The following MAS1 variants were observed in gnomAD, a reference collection of about 807,000 sequenced individuals.
MAS1 encodes the protein MAS1 proto-oncogene, G protein-coupled receptor, also known as proto-oncogene Mas.
For missense variants in MAS1, 387 were observed against 409.7 expected (o/e 0.94, Z 0.48); for synonymous variants, 163 against 164.2 (o/e 0.99, Z 0.05).
rs1782872645 is a variant in MAS1 at position 159,905,341 on chromosome 6, C to G, written c.-36-1579C>G. On this transcript the variant is annotated intron_variant, in intron 2 of 2. Coordinates refer to ENST00000674077, the MANE Select transcript of MAS1 (RefSeq NM_002377.4). Reference sequence around the variant, plus strand: ...CATGACAGGGCATGCGAGCTCTCATCCTGTGTGGGTTCTTTTCCGGGTCTC... The same window carrying G: ...CATGACAGGGCATGCGAGCTCTCATGCTGTGTGGGTTCTTTTCCGGGTCTC... Among the ~76,000 whole-genome samples the G allele has an allele frequency of 1.3e-5, 2 of 152,190 alleles. 1 individual carries two copies. Among genetic ancestry groups the G allele is most frequent in the South Asian group, 4.1e-4 (2 of 4,828 alleles).
upstream of MAS1, among the ~76,000 whole-genome samples, chr6:159,888,823 C>G (rs1782665349): frequency 6.6e-6 from 1 of 152,212 alleles, no homozygotes; most frequent in Non-Finnish European, 1.5e-5. Flanking sequence ...CTCTGCCCAC[C>G]TCTGAAGGGG....
At chr6:159,891,562 G>T (rs1467849472) in intron 1 of MAS1, among the ~76,000 whole-genome samples, 1 of 152,210 alleles carries the variant, frequency 6.6e-6, no homozygotes, top group African/African-American at 2.4e-5. Flanking sequence ...TTCCTCTGGA[G>T]AAATCACTTG....
intron 1 of MAS1, among the ~76,000 whole-genome samples, chr6:159,894,397 C>T (rs573101382): frequency 8.4e-4 from 106 of 126,910 alleles, no homozygotes; most frequent in African/African-American, 2.8e-3. Flanking sequence ...CCAGCCTGGG[C>T]GACAGAGTGA....
rs764896735 is a variant in MAS1 at position 159,907,155 on chromosome 6, C to G, written c.200C>G (p.Thr67Ser). ...TTCCGGATGAGAAGAAATCCCTTCA[C>G]TGTCTACATCACCCACCTGTCTATC... ...LCFRMRRNPFTVYITHLSIAD... is the reference protein window; with the variant it reads ...LCFRMRRNPFSVYITHLSIAD... The change falls in exon 3 of 3, where the codon ACT becomes AGT. Residue 67 changes from threonine (T) to serine (S), a missense_variant. Physicochemically the swap from Thr to Ser is moderately conservative, Grantham distance 58. Coordinates refer to ENST00000674077, the MANE Select transcript of MAS1 (RefSeq NM_002377.4). 5.0e-6 allele frequency: 8 copies of G among 1,614,130 alleles called. No homozygotes were observed. The African/African-American group carries it at 9.3e-5, about 19-fold the overall frequency.
At chr6:159,904,120 A>G (rs1782853938) in intron 2 of MAS1, among the ~76,000 whole-genome samples, 1 of 151,772 alleles carries the variant, frequency 6.6e-6, no homozygotes, top group Non-Finnish European at 1.5e-5. Flanking sequence ...CTGTCAGGTC[A>G]TCCTCAGTTT....
At chr6:159,889,415 A>G (rs1221916179), upstream of MAS1, among the ~76,000 whole-genome samples, 1 of 152,136 alleles carries the variant, frequency 6.6e-6, no homozygotes, top group Non-Finnish European at 1.5e-5. Flanking sequence ...AGAAGCAGCG[A>G]ATGTGGAGCA....
At chr6:159,889,397 CT>C (rs1327367960), upstream of MAS1, among the ~76,000 whole-genome samples, 1 of 152,188 alleles carries the variant, frequency 6.6e-6, no homozygotes, top group African/African-American at 2.4e-5. Flanking sequence ...TGGGCAGCCC[CT>C]GATCTGAGAA....
At position 159,908,719 on chromosome 6, in the gene MAS1, A is replaced by C. The variant is rs1257288910; in HGVS notation, c.*786A>C. 1 of 152,110 alleles carries C rather than the reference A, an allele frequency of 6.6e-6. No individual in the cohort carries two copies. The highest frequency in any genetic ancestry group is 1.5e-5 in the Non-Finnish European group (1 of 68,032). 9.4% of individuals were successfully genotyped at this position (152,110 alleles called of 1,614,324 possible). On this transcript the variant is annotated 3_prime_UTR_variant, in exon 3 of 3. Coordinates refer to ENST00000674077, the MANE Select transcript of MAS1 (RefSeq NM_002377.4). ...TGCTAGTGCATCATTTCAGGTTGTGAAGAAATACATTTGGCCACCAGTAGA... is the reference window on the plus strand; with the variant it reads ...TGCTAGTGCATCATTTCAGGTTGTGCAGAAATACATTTGGCCACCAGTAGA...
chr6:159,888,830 G>C (rs1282451733), upstream of MAS1, among the ~76,000 whole-genome samples: 3 of 152,192 alleles, frequency 2.0e-5, no homozygotes, highest in African/African-American at 7.2e-5. Context: ...CACCTCTGAA[G>C]GGGAGAATGA....
chr6:159,895,963 G>T (rs950979232), intron 1 of MAS1, among the ~76,000 whole-genome samples: 1 of 152,270 alleles, frequency 6.6e-6, no homozygotes, highest in East Asian at 1.9e-4. Flanking sequence ...TAAAAATAGC[G>T]GTGAAAAATC....
At chr6:159,905,620 C>G (rs1474900476) in intron 2 of MAS1, among the ~76,000 whole-genome samples, 10 of 152,210 alleles carry the variant, frequency 6.6e-5, no homozygotes, top group Non-Finnish European at 1.3e-4. Context: ...TGCTGGGGCT[C>G]TGCTGACTTG....
rs766046819 is a variant in MAS1 at position 159,916,238 on chromosome 6, G to T, written c.*8305G>T. ...ACGTTATGTAAAGTGATATAAGCCA[G>T]GCCCGGAAGGACAAAGACTGTATGA... is the stretch of plus-strand genomic sequence containing the variant. On this transcript the variant is annotated 3_prime_UTR_variant, in exon 3 of 3. Transcript: ENST00000674077. 22 of 152,222 alleles carry T rather than the reference G, an allele frequency of 1.4e-4. No homozygotes were observed. The highest frequency in any genetic ancestry group is 3.9e-4 in the Admixed American group (6 of 15,278). The allele number at this position is 152,222 out of a possible 1,614,324, so 9.4% of individuals were successfully genotyped here.
chr6:159,908,338 C>T lies in MAS1; in HGVS notation c.*405C>T, dbSNP rs150640435. 1,231 of 155,854 alleles carry T rather than the reference C, an allele frequency of 7.9e-3. 15 individuals carry two copies. The highest frequency in any genetic ancestry group is 0.028 in the African/African-American group (1,169 of 41,638). The allele number at this position is 155,854 out of a possible 1,614,324, so 9.7% of individuals were successfully genotyped here. On this transcript the variant is annotated 3_prime_UTR_variant, in exon 3 of 3. Transcript: ENST00000674077. ...GTTAAACCTCTCAGAGCCTCATTTT[C>T]TCACTCATAAAATGGTTGCGGCAAT...
At chr6:159,897,643 CA>C (rs1273287518) in intron 1 of MAS1, among the ~76,000 whole-genome samples, 1 of 152,140 alleles carries the variant, frequency 6.6e-6, no homozygotes, top group Non-Finnish European at 1.5e-5. Context: ...AGGCTATGAT[CA>C]GGAATGAACA....
rs1782941339 is a variant in MAS1 at position 159,909,517 on chromosome 6, A to G, written c.*1584A>G. On this transcript the variant is annotated 3_prime_UTR_variant, in exon 3 of 3. Transcript: ENST00000674077. ...GCAGGAGGCTTTTCAGTGGGTGACA[A>G]CATCTGATTCAGAAACAAGGCAGCT... 1 of 152,244 alleles carries G rather than the reference A, an allele frequency of 6.6e-6. No homozygotes were observed. The allele number at this position is 152,244 out of a possible 1,614,324, so 9.4% of individuals were successfully genotyped here.
At chr6:159,905,350 G>C (rs966604584) in intron 2 of MAS1, among the ~76,000 whole-genome samples, 36 of 152,214 alleles carry the variant, frequency 2.4e-4, no homozygotes, top group African/African-American at 8.2e-4. Flanking sequence ...TCCTGTGTGG[G>C]TTCTTTTCCG....
rs1198457347 is a variant in MAS1 at position 159,909,718 on chromosome 6, G to T, written c.*1785G>T. On this transcript the variant is annotated 3_prime_UTR_variant, in exon 3 of 3. Coordinates refer to ENST00000674077, the MANE Select transcript of MAS1 (RefSeq NM_002377.4). ...TGTGCTGGCCTCTGGGGTAGGGAAA[G>T]GGGGCCAACCTCGTCTCATCTCTAA... 6.6e-6 allele frequency: 1 copy of T among 152,238 alleles called. No individual in the cohort carries two copies. The highest frequency in any genetic ancestry group is 2.4e-5 in the African/African-American group (1 of 41,428). The allele number at this position is 152,238 out of a possible 1,614,324, so 9.4% of individuals were successfully genotyped here.
chr6:159,905,461 G>A (rs1782874342), intron 2 of MAS1, among the ~76,000 whole-genome samples: 1 of 152,232 alleles, frequency 6.6e-6, no homozygotes. Flanking sequence ...CAATGGGATA[G>A]GTGTGATTGG....
Position 159,915,618 on chromosome 6 carries a change from G to T in MAS1, c.*7685G>T, listed in dbSNP as rs1382412494. On this transcript the variant is annotated 3_prime_UTR_variant, in exon 3 of 3. Coordinates refer to ENST00000674077, the MANE Select transcript of MAS1 (RefSeq NM_002377.4). ...CTGGAATGAGAAAACAGGACTGGAA[G>T]CCTGCCTACTTAGTAGCTTGGCAAG... The T allele has an allele frequency of 6.6e-6, 1 of 152,234 alleles. No individual in the cohort carries two copies. The highest frequency in any genetic ancestry group is 1.5e-5 in the Non-Finnish European group (1 of 68,052). 9.4% of individuals were successfully genotyped at this position (152,234 alleles called of 1,614,324 possible). A position where few individuals can be genotyped will look rare whatever the true frequency, so the allele number is the denominator to read the frequency against.
Sources: allele counts gnomAD v4.1 joint callset (sites outside exome capture counted in the v4.1 genomes callset), GRCh38; gene constraint gnomAD v4.1.1; transcripts MANE v1.5; gene names NCBI Gene and HGNC (gene_info 2026-07-23, HGNC 2026-07-21).